Variants in MEGF10 observed in about 807,000 individuals in gnomAD.
The protein encoded by MEGF10 is multiple EGF like domains 10.
In MEGF10, 86 loss-of-function variants were observed where a neutral mutation model predicts 147.5. The observed-to-expected ratio is 0.58, with a 90% CI of 0.49 to 0.70. MEGF10 has a LOEUF of 0.70. MEGF10 is among the 30% of genes least tolerant of loss of function. MEGF10 has a pLI of 0.00. For missense variants in MEGF10, 1,329 were observed against 1,487.3 expected, an observed-to-expected ratio of 0.89 and a Z score of 1.75; for synonymous variants, 478 against 525.5, an observed-to-expected ratio of 0.91 and a Z score of 1.24.
chr5:127,379,954 C>T (rs985420827), intron 5 of MEGF10, among the ~76,000 whole-genome samples: 2 of 152,156 alleles, frequency 1.3e-5, no homozygotes, highest in African/African-American at 2.4e-5. Context: ...CACCACCATA[C>T]AGACACTATC....
At chr5:127,400,233 C>T (rs1029998190) in intron 7 of MEGF10, among the ~76,000 whole-genome samples, 2 of 152,092 alleles carry the variant, frequency 1.3e-5, no homozygotes, top group Admixed American at 1.3e-4. Context: ...GGAGCCAAAG[C>T]ATGGAGAAAC....
At chr5:127,274,329 C>A in the MEGF10 span, among the ~76,000 whole-genome samples, 1 of 151,942 alleles carries the variant, frequency 6.6e-6, no homozygotes, top group Non-Finnish European at 1.5e-5. Context: ...AATGAAGAAA[C>A]CTGAAAATGG....
At chr5:127,427,303 A>G (rs1038989849) in intron 13 of MEGF10, among the ~76,000 whole-genome samples, 2 of 152,190 alleles carry the variant, frequency 1.3e-5, no homozygotes, top group South Asian at 2.1e-4. Context: ...CACATAATCA[A>G]TGGCAAATGA....
intron 13 of MEGF10, chr5:127,424,811 C>G (rs1032830134): frequency 6.5e-6 from 1 of 154,604 alleles, no homozygotes; most frequent in Non-Finnish European, 1.4e-5. Flanking sequence ...TCTTCATCCC[C>G]AAATGTTAAA....
intron 13 of MEGF10, among the ~76,000 whole-genome samples, chr5:127,428,601 C>T (rs1035891419): frequency 6.6e-6 from 1 of 152,206 alleles, no homozygotes; most frequent in Non-Finnish European, 1.5e-5. Flanking sequence ...GTTCCTCCAT[C>T]TTATAATTAC....
chr5:127,382,659 G>A (rs1056890542), intron 5 of MEGF10, among the ~76,000 whole-genome samples: 29 of 152,074 alleles, frequency 1.9e-4, no homozygotes, highest in Non-Finnish European at 3.4e-4. Flanking sequence ...CAAAGTTAAA[G>A]GAGAAGTGAG....
the MEGF10 span, among the ~76,000 whole-genome samples, chr5:127,238,832 A>ACATTAC: frequency 9.1e-3 from 1,380 of 152,344 alleles, 30 homozygotes; most frequent in African/African-American, 0.032. Flanking sequence ...AAGATGGCTC[A>ACATTAC]TGAGGAAATA....
chr5:127,303,636 C>T (rs576118118), intron 1 of MEGF10, among the ~76,000 whole-genome samples: 5 of 152,336 alleles, frequency 3.3e-5, no homozygotes, highest in Admixed American at 3.3e-4. Context: ...TAAGATTAAA[C>T]ACATTTCCTG....
chr5:127,450,252 A>G (rs1234483110), intron 22 of MEGF10, among the ~76,000 whole-genome samples: 4 of 152,240 alleles, frequency 2.6e-5, no homozygotes, highest in Non-Finnish European at 5.9e-5. Context: ...ACAATGGCAC[A>G]GGCCTATAGC....
chr5:127,391,102 G>GCGCGCGCGCGCGCACACACACA (rs1426600414), intron 5 of MEGF10, among the ~76,000 whole-genome samples: 1 of 53,892 alleles, frequency 1.9e-5, no homozygotes. Context: ...GCGCGCGCGC[G>GCGCGCGCGCGCGCACACACACA]CACACACACA....
intron 1 of MEGF10, among the ~76,000 whole-genome samples, chr5:127,312,321 A>G (rs561132140): frequency 6.6e-6 from 1 of 152,218 alleles, no homozygotes; most frequent in Non-Finnish European, 1.5e-5. Context: ...AACAGAGACC[A>G]ATGCCATTCA....
chr5:127,405,457 C>G (rs77927891), intron 8 of MEGF10, among the ~76,000 whole-genome samples: 1 of 152,004 alleles, frequency 6.6e-6, no homozygotes, highest in African/African-American at 2.4e-5. Context: ...TGACTATTTA[C>G]TTTTTAATTT....
At chr5:127,324,386 G>C (rs1760915200) in intron 1 of MEGF10, among the ~76,000 whole-genome samples, 1 of 152,184 alleles carries the variant, frequency 6.6e-6, no homozygotes, top group Admixed American at 6.5e-5. Flanking sequence ...GATGTAACTT[G>C]TTTTCTCAGT....
the MEGF10 span, among the ~76,000 whole-genome samples, chr5:127,239,468 AT>A: frequency 7.0e-6 from 1 of 142,146 alleles, no homozygotes; most frequent in Non-Finnish European, 1.5e-5. Context: ...TAAAATATAT[AT>A]ATATATAATA....
chr5:127,454,476 G>A, intron 22 of MEGF10, 90 bp from the exon 23 acceptor site: 1 of 1,149,584 alleles, frequency 8.7e-7, no homozygotes. Flanking sequence ...TGCTGCAGTG[G>A]GAGATCCTCT....
intron 1 of MEGF10, chr5:127,299,857 CA>C (rs1759692728): frequency 6.6e-6 from 1 of 151,892 alleles, no homozygotes; most frequent in South Asian, 2.1e-4. Flanking sequence ...AAGTGTTAGG[CA>C]GCTGGTGTTC....
chr5:127,259,267 T>C, the MEGF10 span, among the ~76,000 whole-genome samples: 6,195 of 152,306 alleles, frequency 0.041, 181 homozygotes, highest in Non-Finnish European at 0.061. Flanking sequence ...AATTGGGATA[T>C]ACACTTCTAG....
Position 127,449,169 on chromosome 5 carries a change from G to A in MEGF10, c.2927G>A (p.Cys976Tyr). ...NPGKRGPVGD[C>Y]TGTLPADWKH... ...GGGAAGAGAGGCCCTGTGGGGGACT[G>A]CACTGGGACATTGCCGGCTGACTGG... Residue 976 changes from cysteine to tyrosine, a missense_variant, in exon 22 of 25, where the codon TGC becomes TAC. Cys to Tyr is a radical substitution (Grantham distance 194, BLOSUM62 -2). Around this residue, in one of 3 missense-constraint regions of MEGF10, gnomAD observed 343 missense variants for 377.9 expected, o/e 0.91. Coordinates refer to ENST00000503335, the MANE Select transcript of MEGF10 (RefSeq NM_001256545.2). 6.2e-7 allele frequency: 1 copy of A among 1,614,096 alleles called. No individual in the cohort carries two copies. The highest frequency in any genetic ancestry group is 8.5e-7 in the Non-Finnish European group (1 of 1,179,976).
chr5:127,353,462 C>G (rs1762160011), intron 4 of MEGF10, among the ~76,000 whole-genome samples: 1 of 152,172 alleles, frequency 6.6e-6, no homozygotes, highest in Non-Finnish European at 1.5e-5. Flanking sequence ...TGGCAGCTAC[C>G]CTCTGTGGGA....
Sources: gnomAD v4.1 joint callset for allele counts (sites outside exome capture counted in the v4.1 genomes callset) on GRCh38, gnomAD v4.1.1 for gene constraint, gnomAD v4.1.1 regional missense constraint, MANE v1.5 for transcripts, NCBI Gene and HGNC (gene_info 2026-07-23, HGNC 2026-07-21) for gene names.